The following MICAL2 variants were observed in gnomAD, a reference collection of about 807,000 sequenced individuals.
MICAL2 encodes the protein [F-actin]-monooxygenase MICAL2.
MICAL2 carries 77 observed loss-of-function variants against 127.3 expected under a neutral mutation model. The observed-to-expected ratio is 0.60, with a 90% CI of 0.50 to 0.73. The LOEUF is 0.73. MICAL2 is among the 30% of genes least tolerant of loss of function. The pLI is 0.00. For missense variants in MICAL2, 1,351 were observed against 1,434.4 expected (o/e 0.94, Z 0.94); for synonymous variants, 570 against 551.1 (o/e 1.03, Z -0.48).
At chr11:12,269,471 C>T (rs1863647559) in intron 24 of MICAL2, among the ~76,000 whole-genome samples, 2 of 152,208 alleles carry the variant, frequency 1.3e-5, no homozygotes, top group Non-Finnish European at 2.9e-5. Context: ...TACTCTGGAG[C>T]CTGCAGAGCT....
intron 1 of MICAL2, chr11:12,276,300 C>T (rs1174912834): frequency 3.3e-5 from 13 of 397,178 alleles, no homozygotes; most frequent in Non-Finnish European, 4.4e-5. Context: ...TGTAAAATGG[C>T]GACAATCATA....
intron 1 of MICAL2, among the ~76,000 whole-genome samples, chr11:12,125,307 G>A (rs1180908934): frequency 1.4e-4 from 22 of 152,226 alleles, no homozygotes; most frequent in Admixed American, 1.4e-3. Flanking sequence ...AGGATGGAGT[G>A]CAGTGGCGCG....
intron 3 of MICAL2, among the ~76,000 whole-genome samples, chr11:12,167,400 G>C (rs913131909): frequency 6.6e-6 from 1 of 152,190 alleles, no homozygotes; most frequent in African/African-American, 2.4e-5. Flanking sequence ...TCGAGGGCCA[G>C]ACGGCCCTAT....
intron 11 of MICAL2, 66 bp from the exon 12 acceptor site, chr11:12,223,345 T>G: frequency 7.0e-7 from 1 of 1,427,276 alleles, no homozygotes; most frequent in Non-Finnish European, 9.9e-7. Context: ...GTGGGTCGAG[T>G]TTAGGGGCCC....
chr11:12,262,595 G>A (rs559311518), intron 27 of MICAL2, 58 bp downstream of exon 27: 139 of 1,417,894 alleles, frequency 9.8e-5, no homozygotes, highest in Admixed American at 2.2e-4. Context: ...CCCGCTTTCC[G>A]CACCCCGTCC....
At position 12,342,404 on chromosome 11, in the gene MICAL2, C is replaced by CA. The variant is rs919013974; in HGVS notation, c.5516-7425dup. ...CATGACCTTTTCATTTACATGAGGC[C>CA]AAAAAAAAATTATTATTTATGAGTT... is the stretch of plus-strand genomic sequence containing the variant. On this transcript the variant is annotated intron_variant, in intron 32 of 34. Transcript: ENST00000646065. 2.6e-4 allele frequency among the ~76,000 whole-genome samples: 39 copies of CA among 149,910 alleles called. No individual in the cohort carries two copies. In the East Asian group the frequency reaches 6.4e-3, roughly 25 times the overall value.
intron 15 of MICAL2, among the ~76,000 whole-genome samples, chr11:12,231,676 C>T (rs1188862660): frequency 6.6e-6 from 1 of 152,164 alleles, no homozygotes; most frequent in Admixed American, 6.5e-5. Context: ...ACCTCACTTC[C>T]CCAACTTCTC....
At chr11:12,146,655 G>C (rs940636274) in intron 2 of MICAL2, among the ~76,000 whole-genome samples, 1 of 152,156 alleles carries the variant, frequency 6.6e-6, no homozygotes, top group Non-Finnish European at 1.5e-5. Context: ...ACAGTGTGGC[G>C]AGTCCTCAAG....
chr11:12,287,107 A>G (rs780615687), exon 3 of MICAL2: 1 of 398,816 alleles, frequency 2.5e-6, no homozygotes, highest in African/African-American at 2.1e-5. Context: ...ACGGGCCAAT[A>G]GCTTCCAGTC....
intron 3 of MICAL2, among the ~76,000 whole-genome samples, chr11:12,190,661 T>C (rs1177355053): frequency 1.3e-5 from 2 of 152,236 alleles, no homozygotes; most frequent in Non-Finnish European, 2.9e-5. Flanking sequence ...CCTGTCAGCA[T>C]TTCTAATCAG....
upstream of MICAL2, among the ~76,000 whole-genome samples, chr11:12,275,294 T>C (rs1378285798): frequency 1.3e-5 from 2 of 152,202 alleles, no homozygotes; most frequent in Admixed American, 6.5e-5. Flanking sequence ...CAGTGGTCTA[T>C]ATAAGTCTAG....
chr11:12,224,530 G>A lies in MICAL2; in HGVS notation c.1541-143G>A, dbSNP rs369923415. 209 of 1,040,298 alleles carry A rather than the reference G, an allele frequency of 2.0e-4. 1 individual carries two copies. The highest frequency in any genetic ancestry group is 4.0e-4 in the East Asian group (16 of 39,518). The allele number at this position is 1,040,298 out of a possible 1,614,324, so 64.4% of individuals were successfully genotyped here. On this transcript the variant is annotated intron_variant, in intron 12 of 27. Transcript: ENST00000683283. ...CAGCAGTCCTCAGGGAGCTGCACCC[G>A]TGCCAGTGGCCCCCTGCCCTGGCCC...
intron 26 of MICAL2, 126 bp from the exon 27 acceptor site, chr11:12,262,353 CT>C: frequency 6.5e-7 from 1 of 1,543,264 alleles, no homozygotes; most frequent in Non-Finnish European, 8.7e-7. Context: ...AAGTTTCCCT[CT>C]TTCAATCGTG....
chr11:12,344,123 C>G (rs2134887267), intron 32 of MICAL2, among the ~76,000 whole-genome samples: 1 of 152,128 alleles, frequency 6.6e-6, no homozygotes, highest in East Asian at 1.9e-4. Context: ...TAGCGAAACC[C>G]CATCTCTACT....
Position 12,262,508 on chromosome 11 carries a change from A to C in MICAL2, c.3363A>C (p.Pro1121=). Residue 1121 remains proline, a synonymous_variant, in exon 27 of 28, where the codon CCA becomes CCC. Transcript: ENST00000683283. ...PVHFSLPVLH[P]LLG is the part of the protein sequence containing the mutation. ...ATTTCAGCCTTCCAGTGCTACACCC[A>C]CTTCTTGGCTGACACACTTCTGCTC... is the stretch of plus-strand genomic sequence containing the variant. 6.2e-7 allele frequency: 1 copy of C among 1,613,410 alleles called. No individual in the cohort carries two copies. Among genetic ancestry groups the C allele is most frequent in the South Asian group, 1.1e-5 (1 of 91,040 alleles).
At chr11:12,179,747 TAGAG>T (rs56184848) in intron 3 of MICAL2, among the ~76,000 whole-genome samples, 12,465 of 152,212 alleles carry the variant, frequency 0.082, 689 homozygotes, top group African/African-American at 0.16. Context: ...CTGGCACTGT[TAGAG>T]AGAGCTGCAG....
chr11:12,361,290 T>G (rs1027581763), downstream of MICAL2, among the ~76,000 whole-genome samples: 3 of 152,188 alleles, frequency 2.0e-5, no homozygotes, highest in African/African-American at 4.8e-5. Context: ...ATTGGTCTAT[T>G]TATTTAACAT....
At chr11:12,222,479 T>G in intron 10 of MICAL2, 138 bp from the exon 11 acceptor site, 1 of 1,148,476 alleles carries the variant, frequency 8.7e-7, no homozygotes, top group Non-Finnish European at 1.2e-6. Flanking sequence ...ACCAGGAGAG[T>G]CAGGTATTTC....
intron 32 of MICAL2, among the ~76,000 whole-genome samples, chr11:12,327,843 T>C (rs577112359): frequency 1.3e-5 from 2 of 150,318 alleles, no homozygotes; most frequent in Non-Finnish European, 2.9e-5. Flanking sequence ...TTAAGATAAA[T>C]TCAGGAGAAA....
Sources: gnomAD v4.1 joint callset for allele counts (sites outside exome capture counted in the v4.1 genomes callset) on GRCh38, gnomAD v4.1.1 for gene constraint, MANE v1.5 for transcripts, NCBI Gene and HGNC (gene_info 2026-07-23, HGNC 2026-07-21) for gene names.